USP34: variants seen among roughly 807,000 people sequenced by gnomAD.
USP34 encodes the protein ubiquitin specific peptidase 34.
In USP34, 70 loss-of-function variants were observed where a neutral mutation model predicts 460.3. That is an observed-to-expected ratio of 0.15 (90% CI 0.13 to 0.19). The LOEUF (loss-of-function observed/expected upper bound fraction) is 0.19, where lower values mean the gene tolerates loss of function less well. Ranked by LOEUF, USP34 falls within the 10% of genes least tolerant of loss-of-function variation. The pLI, the probability that USP34 is intolerant of heterozygous loss-of-function variation, is 1.00. For synonymous variants in USP34, 1,647 were observed against 1,405.3 expected (o/e 1.17, Z -3.85); for missense variants, 3,985 against 4,236.2 (o/e 0.94, Z 1.65).
intron 1 of USP34, among the ~76,000 whole-genome samples, chr2:61,436,013 G>A (rs1694803232): frequency 6.6e-6 from 1 of 151,990 alleles, no homozygotes; most frequent in Non-Finnish European, 1.5e-5. Context: ...GGGTGACAAA[G>A]TGAGACACCA....
At chr2:61,330,028 G>A (rs1691212012) in intron 20 of USP34, among the ~76,000 whole-genome samples, 3 of 152,142 alleles carry the variant, frequency 2.0e-5, no homozygotes, top group African/African-American at 7.2e-5. Context: ...AGTAGTGTTT[G>A]CGGAAATGTC....
intron 57 of USP34, among the ~76,000 whole-genome samples, chr2:61,232,854 A>C (rs1206327080): frequency 9.5e-6 from 1 of 105,134 alleles, no homozygotes; most frequent in Non-Finnish European, 2.0e-5. Flanking sequence ...ATATATATAT[A>C]TATATTCCCC....
chr2:61,410,812 A>G (rs984230506), intron 2 of USP34, among the ~76,000 whole-genome samples: 1 of 152,224 alleles, frequency 6.6e-6, no homozygotes, highest in Non-Finnish European at 1.5e-5. Flanking sequence ...AGTGAAGGAA[A>G]TAAACTTCCA....
chr2:61,268,636 A>C (rs1031384262), intron 41 of USP34, among the ~76,000 whole-genome samples: 15 of 152,146 alleles, frequency 9.9e-5, no homozygotes, highest in African/African-American at 3.6e-4. Context: ...ACAGCAATAG[A>C]TAATAGGGTA....
At chr2:61,419,984 A>G (rs1307845277) in intron 2 of USP34, among the ~76,000 whole-genome samples, 1 of 152,224 alleles carries the variant, frequency 6.6e-6, no homozygotes, top group East Asian at 1.9e-4. Context: ...GAGAGAGGAA[A>G]AAAGGATATT....
intron 75 of USP34, among the ~76,000 whole-genome samples, chr2:61,194,465 G>C (rs971948364): frequency 3.9e-5 from 6 of 152,184 alleles, no homozygotes; most frequent in Non-Finnish European, 7.4e-5. Flanking sequence ...TCTGACCCAT[G>C]GCCTGTTTTT....
chr2:61,197,730 T>G (rs899751320), intron 75 of USP34, among the ~76,000 whole-genome samples: 1 of 152,128 alleles, frequency 6.6e-6, no homozygotes, highest in Non-Finnish European at 1.5e-5. Context: ...CCTGAGTAGC[T>G]GGGACTACAT....
intron 2 of USP34, among the ~76,000 whole-genome samples, chr2:61,407,105 G>A (rs549357195): frequency 3.4e-4 from 52 of 152,312 alleles, no homozygotes; most frequent in African/African-American, 8.2e-4. Flanking sequence ...AAGGATCTCA[G>A]CCAGGTGCAG....
At chr2:61,391,249 C>T (rs948764992) in intron 5 of USP34, among the ~76,000 whole-genome samples, 5 of 152,098 alleles carry the variant, frequency 3.3e-5, no homozygotes, top group Admixed American at 2.0e-4. Flanking sequence ...AGTTCAAGAC[C>T]AGCCTGGGGA....
At chr2:61,203,352 C>G (rs1333852195) in intron 74 of USP34, 89 bp from the exon 75 acceptor site, 2 of 1,226,876 alleles carry the variant, frequency 1.6e-6, no homozygotes, top group Non-Finnish European at 2.1e-6. Flanking sequence ...AACTAAAAAG[C>G]TGATTCAATA....
chr2:61,286,215 A>G (rs1387338281), intron 34 of USP34, among the ~76,000 whole-genome samples: 1 of 152,222 alleles, frequency 6.6e-6, no homozygotes, highest in Non-Finnish European at 1.5e-5. Context: ...CCTACAGTAT[A>G]TCAACATTAG....
At position 61,395,156 on chromosome 2, in the gene USP34, A is replaced by T. The variant is rs775666444; in HGVS notation, c.603+27T>A. The T allele has an allele frequency of 4.8e-5, 71 of 1,484,994 alleles. 1 individual carries two copies. The East Asian group carries it at 1.6e-3, about 33-fold the overall frequency. The allele number at this position is 1,484,994 out of a possible 1,614,324, so 92.0% of individuals were successfully genotyped here. On this transcript the variant is annotated intron_variant, in intron 4 of 79. Coordinates refer to ENST00000398571, the MANE Select transcript of USP34 (RefSeq NM_014709.4). ...TTGTTAAAAAAATAAAATTTTCCATAAAAGAATAAAAAAGGTAAACACTTA... is the reference window on the plus strand; with the variant it reads ...TTGTTAAAAAAATAAAATTTTCCATTAAAGAATAAAAAAGGTAAACACTTA...
At chr2:61,403,083 T>G (rs915031764) in intron 3 of USP34, among the ~76,000 whole-genome samples, 3 of 152,130 alleles carry the variant, frequency 2.0e-5, no homozygotes, top group Non-Finnish European at 4.4e-5. Context: ...TTAATAGAAT[T>G]TGGTATAAGG....
At chr2:61,189,678 T>C (rs190059357) in intron 78 of USP34, 4 of 152,528 alleles carry the variant, frequency 2.6e-5, no homozygotes, top group Non-Finnish European at 5.9e-5. Flanking sequence ...AAAGGAAATA[T>C]AAGAATTTTA....
intron 33 of USP34, among the ~76,000 whole-genome samples, chr2:61,290,656 C>A (rs1166771462): frequency 2.6e-5 from 4 of 152,090 alleles, no homozygotes; most frequent in African/African-American, 4.8e-5. Context: ...AATAGCAAAA[C>A]TGCAGGACGG....
At chr2:61,446,370 G>A (rs577201839) in intron 1 of USP34, among the ~76,000 whole-genome samples, 1 of 152,096 alleles carries the variant, frequency 6.6e-6, no homozygotes. Context: ...AAAGTTGAAA[G>A]TAGGAATATT....
chr2:61,374,614 T>C (rs72813573), intron 8 of USP34, among the ~76,000 whole-genome samples: 13 of 116,274 alleles, frequency 1.1e-4, no homozygotes, highest in Non-Finnish European at 2.5e-4. Flanking sequence ...GAGACTTCAA[T>C]ACTTTTTTTT....
chr2:61,428,664 T>C (rs1694579121), intron 1 of USP34, among the ~76,000 whole-genome samples: 1 of 152,068 alleles, frequency 6.6e-6, no homozygotes, highest in African/African-American at 2.4e-5. Flanking sequence ...ATCTGCAAAA[T>C]CCAGATGGGA....
chr2:61,469,126 G>C (rs1425752533), intron 1 of USP34, among the ~76,000 whole-genome samples: 1 of 152,070 alleles, frequency 6.6e-6, no homozygotes, highest in African/African-American at 2.4e-5. Context: ...AGAATCGCTT[G>C]AACCTGGGAG....
Sources: gnomAD v4.1 joint callset for allele counts (sites outside exome capture counted in the v4.1 genomes callset) on GRCh38, gnomAD v4.1.1 for gene constraint, MANE v1.5 for transcripts, NCBI Gene and HGNC (gene_info 2026-07-23, HGNC 2026-07-21) for gene names.